The following FILIP1L variants were observed in gnomAD, a reference collection of about 807,000 sequenced individuals.
FILIP1L encodes filamin A-interacting protein 1-like.
A neutral mutation model predicts 96.6 loss-of-function variants in FILIP1L; 55 were observed. That is an observed-to-expected ratio of 0.57 (90% CI 0.46 to 0.71). The LOEUF (loss-of-function observed/expected upper bound fraction) is 0.71. Among genes scored for constraint, FILIP1L ranks in the 30% least tolerant of loss-of-function variants. The probability of loss-of-function intolerance (pLI) is 0.00; values close to 1 mark genes in which losing one functional copy is unlikely to be tolerated. For missense variants in FILIP1L, 1,304 were observed against 1,321.2 expected, an observed-to-expected ratio of 0.99 and a Z score of 0.20; for synonymous variants, 467 against 473.9, an observed-to-expected ratio of 0.99 and a Z score of 0.19.
chr3:99,930,855 G>GCTT lies in FILIP1L; in HGVS notation c.163_165dup (p.Lys55dup), dbSNP rs772777297. On this transcript the variant is annotated inframe_insertion, in exon 2 of 6. Coordinates refer to ENST00000477258, the MANE Select transcript of FILIP1L (RefSeq NM_001387850.1). Reference sequence around the variant, plus strand: ...GCTTGGTGGCCATTACCACTGTGTGGCTTCTCTGCCTTGGGACACGGAAGT... The same window carrying GCTT: ...GCTTGGTGGCCATTACCACTGTGTGGCTTCTTCTCTGCCTTGGGACACGGAAGT... 5 of 1,612,720 alleles carry GCTT rather than the reference G, an allele frequency of 3.1e-6. No individual in the cohort carries two copies. The South Asian group carries it at 5.5e-5, about 18-fold the overall frequency.
intron 1 of FILIP1L, among the ~76,000 whole-genome samples, chr3:100,008,188 G>A (rs1417316924): frequency 1.3e-5 from 2 of 152,142 alleles, no homozygotes; most frequent in Non-Finnish European, 2.9e-5. Context: ...TAAGCAGTGG[G>A]AAGGAAGGAG....
At chr3:100,030,390 A>G (rs1417446105) in intron 1 of FILIP1L, among the ~76,000 whole-genome samples, 1 of 152,106 alleles carries the variant, frequency 6.6e-6, no homozygotes, top group Non-Finnish European at 1.5e-5. Context: ...ATTGTCCTCT[A>G]AGAGCTTTTC....
intron 4 of FILIP1L, among the ~76,000 whole-genome samples, chr3:99,854,559 G>T (rs1302147285): frequency 6.6e-6 from 1 of 152,088 alleles, no homozygotes; most frequent in Non-Finnish European, 1.5e-5. Context: ...TCCATCTTCA[G>T]CACTGTTGAT....
chr3:99,899,700 G>A (rs1213648866), intron 4 of FILIP1L, among the ~76,000 whole-genome samples: 1 of 152,166 alleles, frequency 6.6e-6, no homozygotes, highest in East Asian at 1.9e-4. Flanking sequence ...CCTTGATTGT[G>A]ATTCCATTAT....
rs530872411 is a variant in FILIP1L at position 99,974,091 on chromosome 3, A to G, written c.-10-43061T>C. 4.3e-4 allele frequency among the ~76,000 whole-genome samples: 66 copies of G among 152,296 alleles called. 1 individual carries two copies. In the Middle Eastern group the frequency reaches 0.01, roughly 24 times the overall value. On this transcript the variant is annotated intron_variant, in intron 1 of 5. Coordinates refer to ENST00000477258, the MANE Select transcript of FILIP1L (RefSeq NM_001387850.1). Reference sequence around the variant, plus strand: ...TTTTTCAGAGGCAGACTGGGGAACTATGTTTCTTTTTAATGGTCTTTTAAT... The same window carrying G: ...TTTTTCAGAGGCAGACTGGGGAACTGTGTTTCTTTTTAATGGTCTTTTAAT...
intron 1 of FILIP1L, among the ~76,000 whole-genome samples, chr3:100,080,499 C>G (rs1340128093): frequency 6.6e-6 from 1 of 152,142 alleles, no homozygotes; most frequent in Non-Finnish European, 1.5e-5. Context: ...GGCCCAGGAT[C>G]TGAATTTAGT....
intron 1 of FILIP1L, among the ~76,000 whole-genome samples, chr3:100,003,824 A>C (rs1709910953): frequency 6.6e-6 from 1 of 152,198 alleles, no homozygotes. Flanking sequence ...TTCTATGTTG[A>C]AGTTGTATCA....
intron 4 of FILIP1L, among the ~76,000 whole-genome samples, chr3:99,911,307 GTTA>G (rs1706779911): frequency 6.7e-6 from 1 of 148,610 alleles, no homozygotes; most frequent in South Asian, 2.1e-4. Flanking sequence ...TGTTGTTTTT[GTTA>G]TTATATATTA....
At chr3:100,101,721 T>TA (rs2066308921) in intron 1 of FILIP1L, among the ~76,000 whole-genome samples, 1 of 151,966 alleles carries the variant, frequency 6.6e-6, no homozygotes, top group Admixed American at 6.6e-5. Context: ...CTGCACCCAT[T>TA]AACTCATCAT....
chr3:99,889,799 C>G (rs773247860), intron 4 of FILIP1L, among the ~76,000 whole-genome samples: 5 of 151,942 alleles, frequency 3.3e-5, no homozygotes, highest in Non-Finnish European at 7.4e-5. Flanking sequence ...TATATTAATC[C>G]TCCTCCAAAA....
chr3:99,832,861 GTT>G (rs532780860), intron 5 of FILIP1L, among the ~76,000 whole-genome samples: 1 of 133,824 alleles, frequency 7.5e-6, no homozygotes. Flanking sequence ...AAAAAAAGTT[GTT>G]TTTTTTTTTT....
At chr3:100,082,499 G>A (rs960087980) in intron 1 of FILIP1L, among the ~76,000 whole-genome samples, 7 of 152,178 alleles carry the variant, frequency 4.6e-5, no homozygotes, top group Admixed American at 1.3e-4. Context: ...GAAATTATTC[G>A]TTTCCAGGAA....
chr3:100,107,877 TA>T (rs11322494), intron 1 of FILIP1L, among the ~76,000 whole-genome samples: 29,376 of 129,962 alleles, frequency 0.23, 3,248 homozygotes, highest in South Asian at 0.29. Context: ...GCAAGAGAAT[TA>T]AAAAAAAAAA....
At chr3:99,958,458 C>CT (rs1356652324) in intron 1 of FILIP1L, among the ~76,000 whole-genome samples, 1 of 151,960 alleles carries the variant, frequency 6.6e-6, no homozygotes, top group Middle Eastern at 3.2e-3. Context: ...TTACATAGCA[C>CT]TCAGGCCCAC....
At chr3:99,947,060 G>T (rs1358702437) in intron 1 of FILIP1L, among the ~76,000 whole-genome samples, 2 of 149,254 alleles carry the variant, frequency 1.3e-5, no homozygotes, top group East Asian at 4.0e-4. Context: ...ATCACTTGCA[G>T]CTGGGAGGTA....
At chr3:100,075,663 T>G (rs893135761) in intron 1 of FILIP1L, 1 of 151,992 alleles carries the variant, frequency 6.6e-6, no homozygotes, top group African/African-American at 2.4e-5. Context: ...TGAAGCAACA[T>G]CTATAATATA....
At chr3:100,057,760 G>C (rs1051438170) in intron 1 of FILIP1L, among the ~76,000 whole-genome samples, 11 of 152,138 alleles carry the variant, frequency 7.2e-5, no homozygotes, top group Non-Finnish European at 1.5e-4. Flanking sequence ...AGCGTGGCTG[G>C]CTCAGCATAA....
chr3:99,846,430 TTGTC>T (rs1488066906), intron 5 of FILIP1L, among the ~76,000 whole-genome samples: 4 of 152,244 alleles, frequency 2.6e-5, no homozygotes, highest in Non-Finnish European at 5.9e-5. Context: ...AGCATTATCA[TTGTC>T]TGTTTTGAAA....
chr3:99,920,027 A>G (rs1707075339), intron 4 of FILIP1L, among the ~76,000 whole-genome samples: 1 of 152,218 alleles, frequency 6.6e-6, no homozygotes, highest in Non-Finnish European at 1.5e-5. Context: ...TCTGATTTAC[A>G]AAACTGAACT....
Sources: gnomAD v4.1 joint callset for allele counts (sites outside exome capture counted in the v4.1 genomes callset) on GRCh38, gnomAD v4.1.1 for gene constraint, MANE v1.5 for transcripts, NCBI Gene and HGNC (gene_info 2026-07-23, HGNC 2026-07-21) for gene names.